CRTAP: variants seen among roughly 807,000 people sequenced by gnomAD.
The protein encoded by CRTAP is cartilage-associated protein.
CRTAP carries 33 observed loss-of-function variants against 42.7 expected under a neutral mutation model. That is an observed-to-expected ratio of 0.77 (90% CI 0.59 to 1.03). CRTAP has a LOEUF of 1.03. Among genes scored for constraint, CRTAP ranks in the 50% least tolerant of loss-of-function variants. The probability of loss-of-function intolerance (pLI) is 0.00; values close to 1 mark genes in which losing one functional copy is unlikely to be tolerated. For synonymous variants in CRTAP, 243 were observed against 217.7 expected (o/e 1.12, Z -1.02); for missense variants, 613 against 533.9 (o/e 1.15, Z -1.46).
intron 3 of CRTAP, among the ~76,000 whole-genome samples, chr3:33,125,972 C>A (rs920167875): frequency 6.6e-6 from 1 of 152,230 alleles, no homozygotes; most frequent in Middle Eastern, 3.4e-3. Context: ...GTAAAATATA[C>A]GTTAATATGA....
In CRTAP at chr3:33,125,683, C is replaced by T. The variant is rs140095971; in HGVS notation, c.793+1104C>T. Among the ~76,000 whole-genome samples, 93 of 152,024 alleles carry T rather than the reference C, an allele frequency of 6.1e-4. No homozygotes were observed. In the East Asian group the frequency reaches 0.011, roughly 19 times the overall value. ...CTTTTCCTCTCATGTTATTTTGAAG[C>T]GGATTCCAAATGCCATATTATTTCA... On this transcript the variant is annotated intron_variant, in intron 3 of 6. Transcript: ENST00000320954.
rs2125595974 is a variant in CRTAP, at chr3:33,114,331, A to G, written c.254A>G (p.His85Arg). ...CTGCGCGACAGCGAGGCCTTCTGCCACCGCAACTGCAGCGCCGCGCCGCAG... is the reference window on the plus strand; with the variant it reads ...CTGCGCGACAGCGAGGCCTTCTGCCGCCGCAACTGCAGCGCCGCGCCGCAG... ...RLLRDSEAFC[H>R]RNCSAAPQPE... The change falls in exon 1 of 7, where the codon CAC (histidine) becomes CGC (arginine). Residue 85 changes from histidine to arginine, a missense_variant. Transcript: ENST00000320954. The G allele has an allele frequency of 4.5e-6, 7 of 1,538,542 alleles. No individual in the cohort carries two copies. The South Asian group carries it at 8.3e-5, about 18-fold the overall frequency.
At position 33,146,167 on chromosome 3, in the gene CRTAP, AC is replaced by A; in HGVS notation, c.*3723del. The A allele has an allele frequency of 6.6e-6, 1 of 152,212 alleles. No individual in the cohort carries two copies. The highest frequency in any genetic ancestry group is 1.5e-5 in the Non-Finnish European group (1 of 68,042). 9.4% of individuals were successfully genotyped at this position (152,212 alleles called of 1,614,324 possible). A position where few individuals can be genotyped will look rare whatever the true frequency, so the allele number is the denominator to read the frequency against. The stretch of plus-strand genomic sequence containing the variant: ...GAGCCTAGAAGATTCCTGGATGGAG[AC>A]CCCATTGGTTCAGCCTCAAGTCTGG... On this transcript the variant is annotated 3_prime_UTR_variant, in exon 7 of 7. Transcript: ENST00000320954.
intron 1 of CRTAP, among the ~76,000 whole-genome samples, chr3:33,119,446 C>T (rs1441811562): frequency 1.3e-5 from 2 of 152,002 alleles, no homozygotes; most frequent in Non-Finnish European, 2.9e-5. Flanking sequence ...TTAATTGAGG[C>T]CACTAGGAGA....
intron 2 of CRTAP, among the ~76,000 whole-genome samples, chr3:33,121,450 C>A (rs1184148445): frequency 1.3e-5 from 2 of 151,832 alleles, no homozygotes; most frequent in African/African-American, 4.9e-5. Flanking sequence ...TGGAAAATAT[C>A]CACTAGAAGT....
In CRTAP at chr3:33,144,897, C is replaced by G. The variant is rs1186888032; in HGVS notation, c.*2449C>G. ...AAGCTGAGCTTTCTTTATTCAACCTCATTCCCTTCTCCAAATAAGCCACTT... is the reference window on the plus strand; with the variant it reads ...AAGCTGAGCTTTCTTTATTCAACCTGATTCCCTTCTCCAAATAAGCCACTT... On this transcript the variant is annotated 3_prime_UTR_variant, in exon 7 of 7. Transcript: ENST00000320954. 1 of 152,214 alleles carries G rather than the reference C, an allele frequency of 6.6e-6. No individual in the cohort carries two copies. The highest frequency in any genetic ancestry group is 1.5e-5 in the Non-Finnish European group (1 of 68,056). 9.4% of individuals were successfully genotyped at this position (152,214 alleles called of 1,614,324 possible). A position where few individuals can be genotyped will look rare whatever the true frequency, so the allele number is the denominator to read the frequency against.
At chr3:33,125,669 A>G (rs1031594047) in intron 3 of CRTAP, among the ~76,000 whole-genome samples, 12 of 151,998 alleles carry the variant, frequency 7.9e-5, no homozygotes, top group African/African-American at 2.7e-4. Context: ...TTTTCCTCTC[A>G]TGTTATTTTG....
At chr3:33,121,557 CT>C (rs1306722613) in intron 2 of CRTAP, among the ~76,000 whole-genome samples, 1 of 152,082 alleles carries the variant, frequency 6.6e-6, no homozygotes. Context: ...GTGGAAGTCT[CT>C]TTTTGGGGGT....
rs191823443 is a variant in CRTAP at position 33,118,643 on chromosome 3, G to A, written c.472-1701G>A. On this transcript the variant is annotated intron_variant, in intron 1 of 6. Coordinates refer to ENST00000320954, the MANE Select transcript of CRTAP (RefSeq NM_006371.5). The stretch of plus-strand genomic sequence containing the variant: ...TTCCTTTATTTTCTCTGTCTAAACC[G>A]AATTCCCTAATTCCCGCCTTGGAGC... Among the ~76,000 whole-genome samples the A allele has an allele frequency of 2.6e-5, 4 of 152,318 alleles. No homozygotes were observed. In the East Asian group the frequency reaches 7.7e-4, roughly 29 times the overall value.
At chr3:33,119,750 G>T (rs111289069) in intron 1 of CRTAP, among the ~76,000 whole-genome samples, 1 of 152,204 alleles carries the variant, frequency 6.6e-6, no homozygotes, top group Non-Finnish European at 1.5e-5. Context: ...ACAAAGGTGT[G>T]TGCAGTGCAT....
chr3:33,116,221 C>A (rs1357812475), intron 1 of CRTAP, among the ~76,000 whole-genome samples: 1 of 152,166 alleles, frequency 6.6e-6, no homozygotes, highest in African/African-American at 2.4e-5. Flanking sequence ...CTCAATGTGA[C>A]CAAAAGGCAT....
At position 33,132,834 on chromosome 3, in the gene CRTAP, C is replaced by G. The variant is rs1434460338; in HGVS notation, c.1068+134C>G. 26 of 1,058,558 alleles carry G rather than the reference C, an allele frequency of 2.5e-5. No individual in the cohort carries two copies. The South Asian group carries it at 3.2e-4, about 13-fold the overall frequency. 65.6% of individuals were successfully genotyped at this position (1,058,558 alleles called of 1,614,324 possible). Reference sequence around the variant, plus strand: ...GTGACTCATGCCTGTAATCCCAGCACTTTGGGAGGCCGAGGCGGGCGGATC... The same window carrying G: ...GTGACTCATGCCTGTAATCCCAGCAGTTTGGGAGGCCGAGGCGGGCGGATC... On this transcript the variant is annotated intron_variant, in intron 5 of 6. Coordinates refer to ENST00000320954, the MANE Select transcript of CRTAP (RefSeq NM_006371.5).
At chr3:33,129,349 A>G (rs1170228495) in intron 3 of CRTAP, among the ~76,000 whole-genome samples, 3 of 152,098 alleles carry the variant, frequency 2.0e-5, no homozygotes, top group Admixed American at 2.0e-4. Flanking sequence ...TTTGGGGGTA[A>G]TTGTATTTCC....
At chr3:33,120,957 A>G (rs1559433061) in intron 2 of CRTAP, among the ~76,000 whole-genome samples, 1 of 152,214 alleles carries the variant, frequency 6.6e-6, no homozygotes, top group Non-Finnish European at 1.5e-5. Flanking sequence ...GGACACTTAA[A>G]TCTGCGCATC....
chr3:33,134,270 GTT>G lies in CRTAP; in HGVS notation c.1152+8_1152+9del, dbSNP rs763248451. The stretch of plus-strand genomic sequence containing the variant: ...AATATAATGGATGATGATGAGGTAA[GTT>G]TTCATGCTTAGCACATGTCTGGTGG... On this transcript the variant is annotated splice_donor_region_variant and intron_variant, in intron 6 of 6. Transcript: ENST00000320954. 1 of 1,565,132 alleles carries G rather than the reference GTT, an allele frequency of 6.4e-7. No homozygotes were observed. Among genetic ancestry groups the G allele is most frequent in the African/African-American group, 1.4e-5 (1 of 74,060 alleles).
Position 33,142,687 on chromosome 3 carries a change from C to T in CRTAP, c.*239C>T. On this transcript the variant is annotated 3_prime_UTR_variant, in exon 7 of 7. Coordinates refer to ENST00000320954, the MANE Select transcript of CRTAP (RefSeq NM_006371.5). Reference sequence around the variant, plus strand: ...ACCTTTTTTTTGAGATGGAGTCTCGCTCTCTTGCCCAGGCTGGAGTGCAAT... The same window carrying T: ...ACCTTTTTTTTGAGATGGAGTCTCGTTCTCTTGCCCAGGCTGGAGTGCAAT... 2.0e-6 allele frequency: 1 copy of T among 488,646 alleles called. No individual in the cohort carries two copies. The highest frequency in any genetic ancestry group is 3.7e-6 in the Non-Finnish European group (1 of 266,926). 30.3% of individuals were successfully genotyped at this position (488,646 alleles called of 1,614,324 possible). A position where few individuals can be genotyped will look rare whatever the true frequency, so the allele number is the denominator to read the frequency against.
chr3:33,134,039 T>C, intron 5 of CRTAP, 143 bp from the exon 6 acceptor site: 1 of 690,990 alleles, frequency 1.4e-6, no homozygotes, highest in South Asian at 1.5e-5. Context: ...GTTAGTATAT[T>C]CAGAGTTGTA....
At chr3:33,132,505 T>C (rs200393184) in intron 4 of CRTAP, 50 bp from the exon 5 acceptor site, 4 of 1,611,254 alleles carry the variant, frequency 2.5e-6, no homozygotes, top group Non-Finnish European at 3.4e-6. Context: ...AGAGAAATTA[T>C]AGGGTGTGGT....
At chr3:33,121,324 A>C (rs1328110274) in intron 2 of CRTAP, among the ~76,000 whole-genome samples, 1 of 151,896 alleles carries the variant, frequency 6.6e-6, no homozygotes, top group African/African-American at 2.4e-5. Context: ...AGGCAGGAGA[A>C]TCACTTCATC....
Sources: allele counts gnomAD v4.1 joint callset (sites outside exome capture counted in the v4.1 genomes callset), GRCh38; gene constraint gnomAD v4.1.1; transcripts MANE v1.5; gene names NCBI Gene and HGNC (gene_info 2026-07-23, HGNC 2026-07-21).